Variants in NRG2 observed in about 807,000 individuals in gnomAD.
NRG2 encodes the protein pro-neuregulin-2, membrane-bound isoform.
In NRG2, 27 loss-of-function variants were observed where a neutral mutation model predicts 73.9. The observed-to-expected ratio is 0.37, with a 90% CI of 0.27 to 0.50. NRG2 has a LOEUF of 0.50. Ranked by LOEUF, NRG2 falls within the 20% of genes least tolerant of loss-of-function variation. The pLI is 0.96. For synonymous variants in NRG2, 532 were observed against 541.0 expected, an observed-to-expected ratio of 0.98 and a Z score of 0.23; for missense variants, 1,126 against 1,210.1, an observed-to-expected ratio of 0.93 and a Z score of 1.03.
intron 1 of NRG2, among the ~76,000 whole-genome samples, chr5:139,918,290 AT>A (rs1751417333): frequency 6.6e-6 from 1 of 152,218 alleles, no homozygotes; most frequent in South Asian, 2.1e-4. Context: ...CATATCAAGA[AT>A]TGAGATAAAA....
intron 5 of NRG2, among the ~76,000 whole-genome samples, chr5:139,860,920 G>A (rs1220353778): frequency 6.6e-6 from 1 of 152,150 alleles, no homozygotes; most frequent in African/African-American, 2.4e-5. Context: ...GATCCTAGGA[G>A]GTTTGCAAAC....
intron 1 of NRG2, among the ~76,000 whole-genome samples, chr5:139,945,522 T>C (rs1753740450): frequency 6.6e-6 from 1 of 152,148 alleles, no homozygotes; most frequent in African/African-American, 2.4e-5. Context: ...TCTGTTTTTA[T>C]GGCAGTACCA....
intron 1 of NRG2, among the ~76,000 whole-genome samples, chr5:140,037,635 C>T (rs1344166885): frequency 3.3e-5 from 5 of 152,130 alleles, no homozygotes; most frequent in Non-Finnish European, 7.4e-5. Flanking sequence ...TTGGGCCGGG[C>T]GCGGTGGCTC....
chr5:139,892,457 G>C (rs183447010), intron 1 of NRG2, among the ~76,000 whole-genome samples: 1 of 152,286 alleles, frequency 6.6e-6, no homozygotes, highest in Admixed American at 6.5e-5. Flanking sequence ...CTGGGGTCAT[G>C]TGGGATAAGG....
chr5:139,956,706 G>A (rs1435840455), intron 1 of NRG2, among the ~76,000 whole-genome samples: 1 of 152,200 alleles, frequency 6.6e-6, no homozygotes, highest in East Asian at 1.9e-4. Context: ...AAATCAGCAG[G>A]GCAGCTAGTG....
At chr5:139,944,879 A>G (rs1439383814) in intron 1 of NRG2, among the ~76,000 whole-genome samples, 1 of 152,186 alleles carries the variant, frequency 6.6e-6, no homozygotes, top group Non-Finnish European at 1.5e-5. Context: ...CCAACAGCAT[A>G]TAAGAGTTCC....
rs567042075 is a variant in NRG2 at position 139,964,270 on chromosome 5, C to T, written c.701-76759G>A. Among the ~76,000 whole-genome samples the T allele has an allele frequency of 7.2e-5, 11 of 152,278 alleles. No homozygotes were observed. The East Asian group carries it at 1.5e-3, about 21-fold the overall frequency. ...GCCTGGCCCTCCAATGTCTACCCTACTGTCTTGGGACTTTATGTATCTCCT... is the reference window on the plus strand; with the variant it reads ...GCCTGGCCCTCCAATGTCTACCCTATTGTCTTGGGACTTTATGTATCTCCT... On this transcript the variant is annotated intron_variant, in intron 1 of 9. Coordinates refer to ENST00000361474, the MANE Select transcript of NRG2 (RefSeq NM_004883.3).
chr5:139,889,283 G>A (rs1419603609), intron 1 of NRG2, among the ~76,000 whole-genome samples: 1 of 151,924 alleles, frequency 6.6e-6, no homozygotes, highest in Admixed American at 6.6e-5. Context: ...ATGTGTATTT[G>A]TTTGTGTATA....
Position 140,043,124 on chromosome 5 carries a change from G to T in NRG2, c.-55C>A. The T allele has an allele frequency of 6.4e-7, 1 of 1,554,120 alleles. No individual in the cohort carries two copies. Among genetic ancestry groups the T allele is most frequent in the Non-Finnish European group, 8.6e-7 (1 of 1,156,526 alleles). The stretch of plus-strand genomic sequence containing the variant: ...CTCAGCCGCCGCCGCCTTGGGAGGG[G>T]AAACAGAGCCCGCTGGAAAACCGGA... On this transcript the variant is annotated 5_prime_UTR_variant, in exon 1 of 10. Transcript: ENST00000361474. The surrounding 1 kb of genome is among the most constrained non-coding windows in gnomAD (Gnocchi z 6.7).
intron 1 of NRG2, among the ~76,000 whole-genome samples, chr5:139,963,169 A>T (rs1363172235): frequency 6.6e-6 from 1 of 152,214 alleles, no homozygotes; most frequent in African/African-American, 2.4e-5. Context: ...CAACACTTTG[A>T]CCTCCATAAA....
intron 1 of NRG2, among the ~76,000 whole-genome samples, chr5:139,953,184 A>T (rs1173334671): frequency 1.3e-5 from 2 of 151,836 alleles, no homozygotes; most frequent in Non-Finnish European, 2.9e-5. Flanking sequence ...TTGTGAAGAG[A>T]GGGGGTTGAG....
chr5:140,017,203 G>C (rs891537115), intron 1 of NRG2, among the ~76,000 whole-genome samples: 8 of 152,098 alleles, frequency 5.3e-5, no homozygotes, highest in Admixed American at 5.2e-4. Context: ...GTGGGGAGTG[G>C]GTAAGAAAGA....
At chr5:139,877,385 A>G (rs934484964) in intron 3 of NRG2, among the ~76,000 whole-genome samples, 3 of 152,290 alleles carry the variant, frequency 2.0e-5, no homozygotes, top group Admixed American at 6.5e-5. Context: ...CTGCTCCCCA[A>G]TGACCTCCCT....
At chr5:139,943,704 T>C (rs1753581708) in intron 1 of NRG2, among the ~76,000 whole-genome samples, 1 of 152,222 alleles carries the variant, frequency 6.6e-6, no homozygotes, top group Admixed American at 6.5e-5. Context: ...AAAGTCCACT[T>C]TTCTTTTCTT....
intron 2 of NRG2, among the ~76,000 whole-genome samples, chr5:139,882,431 T>G (rs1324647244): frequency 6.6e-6 from 1 of 152,232 alleles, no homozygotes; most frequent in Non-Finnish European, 1.5e-5. Flanking sequence ...TTGCTGATGC[T>G]GTGGTGACAG....
intron 1 of NRG2, among the ~76,000 whole-genome samples, chr5:140,034,363 T>C (rs1761359580): frequency 1.3e-5 from 2 of 151,996 alleles, no homozygotes; most frequent in South Asian, 4.1e-4. Context: ...AGGGCAGCTA[T>C]GAAAAACTTT....
rs1006964943 is a variant in NRG2, at chr5:139,848,058, C to T, written c.2412G>A (p.Ala804=). The T allele has an allele frequency of 1.1e-4, 171 of 1,501,850 alleles. No homozygotes were observed. Among genetic ancestry groups the T allele is most frequent in the Non-Finnish European group, 1.4e-4 (160 of 1,132,154 alleles). The allele number at this position is 1,501,850 out of a possible 1,614,324, so 93.0% of individuals were successfully genotyped here. The change falls in exon 10 of 10, where the codon GCG becomes GCA. Residue 804 remains alanine, a synonymous_variant. Transcript: ENST00000361474. ...PFLGLRGAHD[A]LRSDSPPLCP... is the part of the protein sequence containing the mutation. The stretch of plus-strand genomic sequence containing the variant: ...ACAGTGGCGGCGAGTCCGAGCGCAG[C>T]GCGTCGTGCGCCCCACGCAGGCCCA...
chr5:139,897,144 T>A (rs1267663401), intron 1 of NRG2, among the ~76,000 whole-genome samples: 1 of 152,188 alleles, frequency 6.6e-6, no homozygotes, highest in East Asian at 1.9e-4. Flanking sequence ...GAAGCCGAGT[T>A]GAGAGGGTCA....
intron 1 of NRG2, among the ~76,000 whole-genome samples, chr5:140,040,760 C>G (rs563083657): frequency 1.8e-4 from 28 of 152,234 alleles, no homozygotes; most frequent in Middle Eastern, 6.8e-3. Flanking sequence ...TTTTAATACT[C>G]CCCAAGTATC....
Sources: allele counts gnomAD v4.1 joint callset (sites outside exome capture counted in the v4.1 genomes callset), GRCh38; gene constraint gnomAD v4.1.1; non-coding constraint Gnocchi (gnomAD v3.1); transcripts MANE v1.5; gene names NCBI Gene and HGNC (gene_info 2026-07-23, HGNC 2026-07-21).